Variants in PLCB4 observed in about 807,000 individuals in gnomAD.
PLCB4 encodes 1-phosphatidylinositol 4,5-bisphosphate phosphodiesterase beta-4.
In PLCB4, 77 loss-of-function variants were observed where a neutral mutation model predicts 178.8. The ratio of observed to expected loss-of-function variants is 0.43; its 90% CI spans 0.36 to 0.52. The LOEUF is 0.52. PLCB4 is among the 20% of genes least tolerant of loss of function. The pLI, the probability that PLCB4 is intolerant of heterozygous loss-of-function variation, is 0.00. For missense variants in PLCB4, 1,024 were observed against 1,453.4 expected, an observed-to-expected ratio of 0.70 and a Z score of 4.80; for synonymous variants, 496 against 490.8, an observed-to-expected ratio of 1.01 and a Z score of -0.14.
intron 2 of PLCB4, among the ~76,000 whole-genome samples, chr20:9,196,006 T>A (rs1032557154): frequency 6.6e-6 from 1 of 152,046 alleles, no homozygotes; most frequent in Non-Finnish European, 1.5e-5. Flanking sequence ...ATCAGAAAAA[T>A]TTTGATGAGC....
chr20:9,401,243 C>T (rs2039001249), intron 19 of PLCB4, among the ~76,000 whole-genome samples: 1 of 152,136 alleles, frequency 6.6e-6, no homozygotes, highest in Admixed American at 6.6e-5. Flanking sequence ...TATTAAGCAT[C>T]AAGCATTTCA....
At chr20:9,133,664 T>C (rs1022339086) in intron 2 of PLCB4, among the ~76,000 whole-genome samples, 1 of 152,182 alleles carries the variant, frequency 6.6e-6, no homozygotes, top group Non-Finnish European at 1.5e-5. Flanking sequence ...ATGGAAAGAA[T>C]GAATGTTTGC....
rs537985391 is a variant in PLCB4 at position 9,187,586 on chromosome 20, A to T, written c.-78-29804A>T. 2.8e-3 allele frequency among the ~76,000 whole-genome samples: 424 copies of T among 152,332 alleles called. 1 individual carries two copies. Among genetic ancestry groups the T allele is most frequent in the Non-Finnish European group, 4.7e-3 (320 of 68,040 alleles). On this transcript the variant is annotated intron_variant, in intron 2 of 39. Coordinates refer to ENST00000378473, the MANE Select transcript of PLCB4 (RefSeq NM_001377142.1). Reference sequence around the variant, plus strand: ...TGTGTATGGGTTCAGTAAGTATTTCATAGGACCGTGAAACATTACTGGTTG... The same window carrying T: ...TGTGTATGGGTTCAGTAAGTATTTCTTAGGACCGTGAAACATTACTGGTTG...
intron 2 of PLCB4, among the ~76,000 whole-genome samples, chr20:9,183,934 T>C (rs2093288440): frequency 6.6e-6 from 1 of 152,148 alleles, no homozygotes; most frequent in African/African-American, 2.4e-5. Flanking sequence ...TATGAAGCTA[T>C]TAAAAAATTC....
At chr20:9,208,105 G>A (rs929619701) in intron 2 of PLCB4, among the ~76,000 whole-genome samples, 2 of 152,158 alleles carry the variant, frequency 1.3e-5, no homozygotes, top group African/African-American at 4.8e-5. Context: ...TATAATAGAT[G>A]CAGAAATAGC....
At chr20:9,331,260 A>G (rs550167152) in intron 4 of PLCB4, among the ~76,000 whole-genome samples, 38 of 138,388 alleles carry the variant, frequency 2.7e-4, no homozygotes, top group Non-Finnish European at 4.9e-4. Flanking sequence ...GTCCTAATGT[A>G]TCTGTCCAGT....
chr20:9,473,609 G>A (rs2044337318), intron 38 of PLCB4, among the ~76,000 whole-genome samples: 1 of 152,190 alleles, frequency 6.6e-6, no homozygotes, highest in Non-Finnish European at 1.5e-5. Context: ...GGGATTATGT[G>A]AATTCTAAGA....
intron 18 of PLCB4, among the ~76,000 whole-genome samples, chr20:9,394,175 A>G (rs551282527): frequency 2.0e-5 from 3 of 152,148 alleles, no homozygotes; most frequent in South Asian, 4.1e-4. Flanking sequence ...CCTTGAAAAT[A>G]TTTTCTTTCA....
chr20:9,154,420 A>T (rs2092746352), intron 2 of PLCB4, among the ~76,000 whole-genome samples: 1 of 152,168 alleles, frequency 6.6e-6, no homozygotes, highest in African/African-American at 2.4e-5. Context: ...TTGGGATTGG[A>T]ATACTAATGC....
At chr20:9,436,946 A>G (rs1293158767) in intron 29 of PLCB4, 56 bp from the exon 30 acceptor site, 3 of 1,525,504 alleles carry the variant, frequency 2.0e-6, no homozygotes, top group Non-Finnish European at 9.0e-7. Context: ...AGAATGTACA[A>G]GATATTTGAC....
rs565476593 is a variant in PLCB4, at chr20:9,443,281, C to T, written c.2765-700C>T. Among the ~76,000 whole-genome samples the T allele has an allele frequency of 3.3e-5, 5 of 152,304 alleles. No homozygotes were observed. The South Asian group carries it at 1.0e-3, about 32-fold the overall frequency. ...GCCAGAAAAAAATGTTTTATTCTTT[C>T]ACAATGACTGAATTGAGAATAGAGT... On this transcript the variant is annotated intron_variant, in intron 30 of 39. Coordinates refer to ENST00000378473, the MANE Select transcript of PLCB4 (RefSeq NM_001377142.1).
At chr20:9,222,660 T>G (rs1004206072) in intron 3 of PLCB4, among the ~76,000 whole-genome samples, 1 of 152,242 alleles carries the variant, frequency 6.6e-6, no homozygotes, top group African/African-American at 2.4e-5. Flanking sequence ...TTAATCAATG[T>G]AAACATTATG....
intron 2 of PLCB4, among the ~76,000 whole-genome samples, chr20:9,202,421 C>T (rs1212402926): frequency 1.3e-5 from 2 of 152,096 alleles, no homozygotes; most frequent in African/African-American, 4.8e-5. Flanking sequence ...CCAGTTATAC[C>T]TCTGATGCCA....
At chr20:9,367,776 G>A (rs146585759) in intron 9 of PLCB4, among the ~76,000 whole-genome samples, 7 of 152,316 alleles carry the variant, frequency 4.6e-5, no homozygotes, top group East Asian at 1.9e-4. Flanking sequence ...CTTTGAAGTC[G>A]TTTCTGATTC....
chr20:9,157,901 T>G (rs1600785517), intron 2 of PLCB4, among the ~76,000 whole-genome samples: 1 of 152,186 alleles, frequency 6.6e-6, no homozygotes, highest in Non-Finnish European at 1.5e-5. Context: ...CATTTCACTC[T>G]AGCCTGGGCA....
chr20:9,117,550 A>C (rs964310), intron 2 of PLCB4, among the ~76,000 whole-genome samples: 131,750 of 152,154 alleles, frequency 0.87, 57,243 homozygotes, highest in East Asian at 1. Flanking sequence ...AAATTTAAAT[A>C]AGATTGTGTG....
chr20:9,154,578 C>A (rs2092748811), intron 2 of PLCB4, among the ~76,000 whole-genome samples: 1 of 152,146 alleles, frequency 6.6e-6, no homozygotes. Flanking sequence ...GGCCCCCTTT[C>A]CTGGGGGAAA....
chr20:9,215,345 G>A (rs117844421), intron 2 of PLCB4, among the ~76,000 whole-genome samples: 103 of 152,290 alleles, frequency 6.8e-4, no homozygotes, highest in Non-Finnish European at 7.9e-4. Flanking sequence ...CACTGTAGGG[G>A]TTAAACATGG....
chr20:9,183,506 A>C (rs967902539), intron 2 of PLCB4, among the ~76,000 whole-genome samples: 3 of 152,202 alleles, frequency 2.0e-5, no homozygotes, highest in African/African-American at 7.2e-5. Flanking sequence ...CTAGATTTTT[A>C]AGTTTCAGTT....
Sources: gnomAD v4.1 joint callset for allele counts (sites outside exome capture counted in the v4.1 genomes callset) on GRCh38, gnomAD v4.1.1 for gene constraint, MANE v1.5 for transcripts, NCBI Gene and HGNC (gene_info 2026-07-23, HGNC 2026-07-21) for gene names.